FHL2: variants seen among roughly 807,000 people sequenced by gnomAD.
FHL2 encodes the protein four and a half LIM domains protein 2.
Under a neutral mutation model 32.7 loss-of-function variants are expected in FHL2, and 20 were observed. The ratio of observed to expected loss-of-function variants is 0.61; its 90% CI spans 0.43 to 0.89. The LOEUF (loss-of-function observed/expected upper bound fraction) is 0.89, where lower values mean the gene tolerates loss of function less well. Ranked by LOEUF, FHL2 falls within the 40% of genes least tolerant of loss-of-function variation. The probability of loss-of-function intolerance (pLI) is 0.00; values close to 1 mark genes in which losing one functional copy is unlikely to be tolerated. For synonymous variants in FHL2, 123 were observed against 128.1 expected (o/e 0.96, Z 0.27); for missense variants, 311 against 358.6 (o/e 0.87, Z 1.07).
At chr2:105,408,189 G>A (rs1683692973) in intron 1 of FHL2, among the ~76,000 whole-genome samples, 1 of 152,142 alleles carries the variant, frequency 6.6e-6, no homozygotes, top group Non-Finnish European at 1.5e-5. Context: ...CGGCAGAGAT[G>A]GCCCACATAT....
chr2:105,373,025 G>T (rs1174324459), intron 4 of FHL2, among the ~76,000 whole-genome samples: 1 of 152,114 alleles, frequency 6.6e-6, no homozygotes, highest in Non-Finnish European at 1.5e-5. Flanking sequence ...CACCTTTATT[G>T]CCATCCTCGG....
In FHL2 at chr2:105,399,012, C is replaced by G. The variant is rs758799060; in HGVS notation, c.-246G>C. On this transcript the variant is annotated 5_prime_UTR_variant, in exon 1 of 7. Transcript: ENST00000530340. Reference sequence around the variant, plus strand: ...GGGACTCCCGGACGGGGCTGGAGGGCGCGGGCGGCTGGTGGCTGCGGCTCC... The same window carrying G: ...GGGACTCCCGGACGGGGCTGGAGGGGGCGGGCGGCTGGTGGCTGCGGCTCC... 6.0e-6 allele frequency: 9 copies of G among 1,496,970 alleles called. No individual in the cohort carries two copies. In the East Asian group the frequency reaches 2.6e-4, roughly 43 times the overall value. 92.7% of individuals were successfully genotyped at this position (1,496,970 alleles called of 1,614,324 possible). A position where few individuals can be genotyped will look rare whatever the true frequency, so the allele number is the denominator to read the frequency against.
intron 3 of FHL2, among the ~76,000 whole-genome samples, chr2:105,385,630 C>T (rs1227578242): frequency 2.6e-5 from 4 of 152,140 alleles, no homozygotes; most frequent in Non-Finnish European, 4.4e-5. Flanking sequence ...TTTTAGAAGC[C>T]GTTTGCGGGT....
At chr2:105,397,012 T>TG (rs1553421538) in intron 1 of FHL2, 1 of 150,926 alleles carries the variant, frequency 6.6e-6, no homozygotes, top group Non-Finnish European at 1.3e-5. Flanking sequence ...TCTAGTCTGT[T>TG]TTTTTTTTTT....
downstream of FHL2, chr2:105,360,505 C>G (rs1453865158): frequency 6.6e-6 from 1 of 152,284 alleles, no homozygotes; most frequent in African/African-American, 2.4e-5. Flanking sequence ...TACAGGCGCT[C>G]ACCACCACAC....
At chr2:105,390,601 G>C (rs984214758) in intron 2 of FHL2, among the ~76,000 whole-genome samples, 2 of 152,178 alleles carry the variant, frequency 1.3e-5, no homozygotes, top group African/African-American at 2.4e-5. Flanking sequence ...AGCAACTGCT[G>C]CTACCTAGGA....
At chr2:105,410,074 G>T (rs962967986) in intron 1 of FHL2, among the ~76,000 whole-genome samples, 1 of 152,234 alleles carries the variant, frequency 6.6e-6, no homozygotes, top group Non-Finnish European at 1.5e-5. Context: ...CAGAAGGCTG[G>T]ACCCAGACAG....
intron 3 of FHL2, among the ~76,000 whole-genome samples, chr2:105,385,205 C>T (rs1036056156): frequency 4.6e-5 from 7 of 152,214 alleles, no homozygotes; most frequent in Admixed American, 3.3e-4. Context: ...CGTCTCTGCT[C>T]AAGGCAGAGG....
intron 3 of FHL2, chr2:105,374,198 G>A (rs188054377): frequency 3.0e-5 from 7 of 229,936 alleles, no homozygotes; most frequent in African/African-American, 1.6e-4. Context: ...GTTCACAGGA[G>A]GCCCAAGGAC....
intron 1 of FHL2, among the ~76,000 whole-genome samples, chr2:105,429,157 G>C (rs1205483549): frequency 3.3e-5 from 5 of 152,124 alleles, no homozygotes; most frequent in Admixed American, 1.3e-4. Flanking sequence ...ACTGCCACAA[G>C]GGGGAAAAAG....
At chr2:105,409,440 C>A (rs1254755460) in intron 1 of FHL2, among the ~76,000 whole-genome samples, 1 of 152,156 alleles carries the variant, frequency 6.6e-6, no homozygotes, top group African/African-American at 2.4e-5. Context: ...GCAAGCCCAG[C>A]AAGATAGCCA....
intron 1 of FHL2, among the ~76,000 whole-genome samples, chr2:105,423,424 A>G (rs1320078981): frequency 6.6e-6 from 1 of 152,204 alleles, no homozygotes; most frequent in Non-Finnish European, 1.5e-5. Context: ...GCTTCGATGA[A>G]ACTTCTGACA....
chr2:105,415,130 G>A (rs1168266015), intron 1 of FHL2, among the ~76,000 whole-genome samples: 2 of 152,180 alleles, frequency 1.3e-5, no homozygotes, highest in Non-Finnish European at 2.9e-5. Context: ...TTATAGGTAG[G>A]GGCAGAGTCA....
At chr2:105,438,207 G>A (rs577022843) in intron 1 of FHL2, among the ~76,000 whole-genome samples, 23 of 152,262 alleles carry the variant, frequency 1.5e-4, no homozygotes, top group Middle Eastern at 3.4e-3. Context: ...GGGCTCTGCC[G>A]TTGGTGGGAG....
intron 1 of FHL2, among the ~76,000 whole-genome samples, chr2:105,432,872 G>A (rs1684480275): frequency 6.6e-6 from 1 of 152,216 alleles, no homozygotes; most frequent in Non-Finnish European, 1.5e-5. Context: ...GAAAGGTAGG[G>A]AGTGAATATG....
chr2:105,367,065 T>G (rs929488984), intron 5 of FHL2, among the ~76,000 whole-genome samples: 8 of 152,244 alleles, frequency 5.3e-5, no homozygotes, highest in African/African-American at 1.9e-4. Context: ...TGAGCCTCCA[T>G]GCCCGGCCAG....
chr2:105,422,464 T>A (rs6742386), intron 1 of FHL2, among the ~76,000 whole-genome samples: 8,720 of 152,098 alleles, frequency 0.057, 837 homozygotes, highest in African/African-American at 0.2. Flanking sequence ...AGAGAAATAT[T>A]TTTTTTATTT....
chr2:105,375,882 A>C (rs1681438942), intron 3 of FHL2: 1 of 152,232 alleles, frequency 6.6e-6, no homozygotes, highest in Non-Finnish European at 1.5e-5. Context: ...AAGTATTTTC[A>C]GAAATCTGAG....
At chr2:105,430,334 C>G (rs911317789) in intron 1 of FHL2, among the ~76,000 whole-genome samples, 10 of 152,136 alleles carry the variant, frequency 6.6e-5, no homozygotes, top group Non-Finnish European at 8.8e-5. Context: ...TCCCTTAAAG[C>G]AGGTCAGAGA....
Sources: gnomAD v4.1 joint callset for allele counts (sites outside exome capture counted in the v4.1 genomes callset) on GRCh38, gnomAD v4.1.1 for gene constraint, MANE v1.5 for transcripts, NCBI Gene and HGNC (gene_info 2026-07-23, HGNC 2026-07-21) for gene names.